Variants in ZFHX3 observed in about 807,000 individuals in gnomAD.
The protein encoded by ZFHX3 is zinc finger homeobox 3, also known as zinc finger homeobox protein 3.
A neutral mutation model predicts 279.1 loss-of-function variants in ZFHX3; 42 were observed. That is an observed-to-expected ratio of 0.15 (90% CI 0.12 to 0.19). ZFHX3 has a LOEUF of 0.19. ZFHX3 is among the 10% of genes least tolerant of loss of function. The probability of loss-of-function intolerance (pLI) is 1.00; values close to 1 mark genes in which losing one functional copy is unlikely to be tolerated. For missense variants in ZFHX3, 4,981 were observed against 4,754.0 expected (o/e 1.05, Z -1.40); for synonymous variants, 2,293 against 1,957.8 (o/e 1.17, Z -4.52).
At chr16:73,252,077 C>G (rs2013526591) in intron 5 of ZFHX3, among the ~76,000 whole-genome samples, 2 of 152,098 alleles carry the variant, frequency 1.3e-5, no homozygotes, top group Non-Finnish European at 2.9e-5. Context: ...TCAGTAATAA[C>G]TGCTCAAACA....
intron 2 of ZFHX3, among the ~76,000 whole-genome samples, chr16:73,559,208 C>G (rs944798733): frequency 2.0e-5 from 3 of 152,020 alleles, no homozygotes; most frequent in African/African-American, 7.2e-5. Context: ...CCACCATGCC[C>G]AGCTGATTTT....
At chr16:72,995,853 A>C (rs1020874750) in intron 1 of ZFHX3, among the ~76,000 whole-genome samples, 1 of 152,220 alleles carries the variant, frequency 6.6e-6, no homozygotes, top group Non-Finnish European at 1.5e-5. Context: ...GAACAGCGCC[A>C]ATTGAAAACA....
At chr16:72,811,005 C>T (rs2036429002) in intron 7 of ZFHX3, among the ~76,000 whole-genome samples, 1 of 152,154 alleles carries the variant, frequency 6.6e-6, no homozygotes, top group Admixed American at 6.5e-5. Flanking sequence ...TTCAGCCTCC[C>T]AAGTAGCTAG....
chr16:72,991,560 T>C (rs1455687283), intron 1 of ZFHX3, among the ~76,000 whole-genome samples: 1 of 152,242 alleles, frequency 6.6e-6, no homozygotes, highest in Non-Finnish European at 1.5e-5. Flanking sequence ...CAGTGAAGTA[T>C]TTAGCACAGT....
At chr16:73,514,794 G>T (rs954121323) in intron 2 of ZFHX3, among the ~76,000 whole-genome samples, 1 of 152,088 alleles carries the variant, frequency 6.6e-6, no homozygotes, top group African/African-American at 2.4e-5. Flanking sequence ...GGTGAGGGGT[G>T]GGTGGGCCGC....
intron 4 of ZFHX3, among the ~76,000 whole-genome samples, chr16:72,859,441 C>T (rs2143885776): frequency 6.6e-6 from 1 of 152,198 alleles, no homozygotes; most frequent in East Asian, 1.9e-4. Context: ...AATCCCACCT[C>T]AGCCTTCTTC....
chr16:72,939,310 TC>T (rs1331702878), intron 3 of ZFHX3, among the ~76,000 whole-genome samples: 2 of 152,050 alleles, frequency 1.3e-5, no homozygotes, highest in African/African-American at 4.8e-5. Flanking sequence ...CAGAGAACCT[TC>T]CTGGGCCTGC....
intron 3 of ZFHX3, among the ~76,000 whole-genome samples, chr16:73,372,339 A>C (rs928340808): frequency 3.3e-5 from 5 of 152,224 alleles, no homozygotes; most frequent in Non-Finnish European, 5.9e-5. Flanking sequence ...GTGAGACAGA[A>C]ATATCTGCGC....
intron 4 of ZFHX3, among the ~76,000 whole-genome samples, chr16:73,298,887 T>C (rs1370551290): frequency 6.6e-6 from 1 of 152,202 alleles, no homozygotes; most frequent in Admixed American, 6.5e-5. Flanking sequence ...GTGGATACAG[T>C]CAGAACAATT....
rs117043147 is a variant in ZFHX3, at chr16:73,514,610, C to G, written c.-1546-58352G>C. Among the ~76,000 whole-genome samples, 401 of 152,306 alleles carry G rather than the reference C, an allele frequency of 2.6e-3. 1 individual carries two copies. The highest frequency in any genetic ancestry group is 4.4e-3 in the Non-Finnish European group (296 of 68,030). ...CCTGTGCACCTATCATCTCATGTAA[C>G]CATCATAACTCTTTGAGATACGTGT... is the stretch of plus-strand genomic sequence containing the variant. On this transcript the variant is annotated intron_variant, in intron 2 of 17. Coordinates refer to the ZFHX3 transcript ENST00000641206.
At chr16:72,912,940 G>A (rs775757087) in intron 3 of ZFHX3, among the ~76,000 whole-genome samples, 1 of 152,248 alleles carries the variant, frequency 6.6e-6, no homozygotes, top group South Asian at 2.1e-4. Context: ...GGCCAGAATG[G>A]TCTCAATCTC....
At chr16:72,833,669 G>A (rs1240099773) in intron 4 of ZFHX3, among the ~76,000 whole-genome samples, 3 of 152,176 alleles carry the variant, frequency 2.0e-5, no homozygotes, top group Non-Finnish European at 4.4e-5. Context: ...CAGGACCTGG[G>A]AGAGAAGGTC....
intron 1 of ZFHX3, among the ~76,000 whole-genome samples, chr16:73,725,215 T>C (rs1433419779): frequency 1.3e-5 from 2 of 152,200 alleles, no homozygotes; most frequent in Admixed American, 6.5e-5. Context: ...AATTTAAAGA[T>C]TTTTAAAAAG....
chr16:73,426,269 G>T (rs546965742), intron 3 of ZFHX3, among the ~76,000 whole-genome samples: 1 of 152,214 alleles, frequency 6.6e-6, no homozygotes, highest in East Asian at 1.9e-4. Flanking sequence ...TGGAGTCAGG[G>T]AGGACAAAGC....
At chr16:73,744,091 T>A (rs1318090008) in intron 1 of ZFHX3, among the ~76,000 whole-genome samples, 3 of 152,232 alleles carry the variant, frequency 2.0e-5, no homozygotes, top group African/African-American at 7.2e-5. Flanking sequence ...CAGCAAAAAG[T>A]TGGGCAAATT....
chr16:72,987,939 G>A (rs866746635), intron 1 of ZFHX3, among the ~76,000 whole-genome samples: 6 of 152,198 alleles, frequency 3.9e-5, no homozygotes, highest in South Asian at 2.1e-4. Flanking sequence ...ATATGCTCAC[G>A]GGGCCCATGT....
At chr16:73,005,304 G>A (rs1266048866) in intron 1 of ZFHX3, among the ~76,000 whole-genome samples, 1 of 152,076 alleles carries the variant, frequency 6.6e-6, no homozygotes, top group African/African-American at 2.4e-5. Flanking sequence ...GACCAGCCTG[G>A]CCAACAATGG....
intron 1 of ZFHX3, among the ~76,000 whole-genome samples, chr16:73,054,851 A>G (rs1329289520): frequency 6.6e-6 from 1 of 152,192 alleles, no homozygotes; most frequent in Non-Finnish European, 1.5e-5. Flanking sequence ...TAAAAACATG[A>G]TAACATATTG....
At chr16:72,953,985 C>G (rs2144410803) in intron 2 of ZFHX3, among the ~76,000 whole-genome samples, 1 of 152,322 alleles carries the variant, frequency 6.6e-6, no homozygotes, top group African/African-American at 2.4e-5. Flanking sequence ...GAAACAAGCC[C>G]AGGGCTTAGA....
Sources: gnomAD v4.1 joint callset for allele counts (sites outside exome capture counted in the v4.1 genomes callset) on GRCh38, gnomAD v4.1.1 for gene constraint, MANE v1.5 for transcripts, NCBI Gene and HGNC (gene_info 2026-07-23, HGNC 2026-07-21) for gene names.